The following IMMT variants were observed in gnomAD, a reference collection of about 807,000 sequenced individuals.
IMMT encodes the protein inner membrane mitochondrial protein.
In IMMT, 40 loss-of-function variants were observed where a neutral mutation model predicts 92.7. That is an observed-to-expected ratio of 0.43 (90% CI 0.34 to 0.56). The LOEUF (loss-of-function observed/expected upper bound fraction) is 0.56. IMMT is among the 20% of genes least tolerant of loss of function. The pLI, the probability that IMMT is intolerant of heterozygous loss-of-function variation, is 0.03. For synonymous variants in IMMT, 322 were observed against 336.1 expected (o/e 0.96, Z 0.46); for missense variants, 831 against 912.1 (o/e 0.91, Z 1.14).
At chr2:86,195,167 C>A (rs905318067) in intron 1 of IMMT, among the ~76,000 whole-genome samples, 171 bp downstream of exon 1, 1 of 152,234 alleles carries the variant, frequency 6.6e-6, no homozygotes, top group Non-Finnish European at 1.5e-5. Flanking sequence ...TCATCCCAGT[C>A]CGGCGAACTC....
intron 4 of IMMT, 40 bp from the exon 5 acceptor site, chr2:86,171,385 G>A (rs1344504530): frequency 1.9e-6 from 3 of 1,580,632 alleles, no homozygotes; most frequent in Non-Finnish European, 2.6e-6. Context: ...TACTTTCCTG[G>A]GTTAACAGAG....
intron 1 of IMMT, among the ~76,000 whole-genome samples, chr2:86,192,322 G>T (rs1673186106): frequency 6.6e-6 from 1 of 151,980 alleles, no homozygotes; most frequent in Admixed American, 6.6e-5. Flanking sequence ...GATGTTTAAA[G>T]GGAGGTCACA....
At chr2:86,161,450 G>A (rs1000277265) in intron 8 of IMMT, among the ~76,000 whole-genome samples, 12 of 149,766 alleles carry the variant, frequency 8.0e-5, no homozygotes, top group African/African-American at 3.0e-4. Flanking sequence ...GTGAGCCACT[G>A]TACTCAGCCT....
intron 4 of IMMT, among the ~76,000 whole-genome samples, chr2:86,172,736 G>T: frequency 6.6e-6 from 1 of 152,068 alleles, no homozygotes; most frequent in African/African-American, 2.4e-5. Flanking sequence ...ATTCACTCTA[G>T]CCTCATTTGC....
intron 1 of IMMT, among the ~76,000 whole-genome samples, chr2:86,187,843 T>C (rs1461949787): frequency 4.0e-5 from 6 of 149,426 alleles, no homozygotes; most frequent in East Asian, 2.0e-4. Flanking sequence ...ACCCAGGAGG[T>C]AGAGGTTGCG....
intron 1 of IMMT, among the ~76,000 whole-genome samples, chr2:86,187,169 C>T (rs374623987): frequency 6.6e-6 from 1 of 152,174 alleles, no homozygotes; most frequent in East Asian, 1.9e-4. Context: ...ATTTTCATCA[C>T]CCTAAAAGGA....
At chr2:86,149,398 G>A (rs1175104866) in intron 12 of IMMT, among the ~76,000 whole-genome samples, 1 of 152,222 alleles carries the variant, frequency 6.6e-6, no homozygotes, top group Non-Finnish European at 1.5e-5. Flanking sequence ...TTGGGTACTG[G>A]TTAAGAATTT....
At chr2:86,147,588 A>C in intron 13 of IMMT, 114 bp downstream of exon 13, 1 of 967,472 alleles carries the variant, frequency 1.0e-6, no homozygotes, top group South Asian at 1.9e-5. Context: ...AGTTTTGTAG[A>C]CATACAAGGA....
At chr2:86,186,404 G>T (rs975948512) in intron 1 of IMMT, among the ~76,000 whole-genome samples, 3 of 152,142 alleles carry the variant, frequency 2.0e-5, no homozygotes, top group African/African-American at 7.2e-5. Context: ...ACAATAATAA[G>T]TTTTATGTAC....
chr2:86,170,030 T>C lies in IMMT; in HGVS notation c.655+719A>G, dbSNP rs141887832. ...ACTAGAGAGTCCAGAGGCTAGATGA[T>C]AAGGCAGTGTAAGCCATTCTGACTC... On this transcript the variant is annotated intron_variant, in intron 6 of 14. Transcript: ENST00000410111. Among the ~76,000 whole-genome samples the C allele has an allele frequency of 3.6e-3, 556 of 152,358 alleles. 3 individuals carry two copies. Among genetic ancestry groups the C allele is most frequent in the African/African-American group, 0.013 (524 of 41,588 alleles).
At chr2:86,154,708 G>A (rs1327597139) in intron 10 of IMMT, among the ~76,000 whole-genome samples, 1 of 152,118 alleles carries the variant, frequency 6.6e-6, no homozygotes, top group Non-Finnish European at 1.5e-5. Context: ...TGATTTGAGA[G>A]TAAAGGGAAA....
Position 86,170,811 on chromosome 2 carries a change from G to C in IMMT, c.593C>G (p.Pro198Arg), listed in dbSNP as rs1345353498. ...AAGGCGAGCTGCAACTTCTTCAGGTGGTCGCTCCCTTATAGAAGATGAGGA... is the reference window on the plus strand; with the variant it reads ...AAGGCGAGCTGCAACTTCTTCAGGTCGTCGCTCCCTTATAGAAGATGAGGA... ...EASSSSIRER[P>R]PEEVAARLAQ... Residue 198 changes from proline (P) to arginine (R), a missense_variant, in exon 6 of 15, where the codon CCA (proline) becomes CGA (arginine). Transcript: ENST00000410111. 1 of 1,588,680 alleles carries C rather than the reference G, an allele frequency of 6.3e-7. No homozygotes were observed. The highest frequency in any genetic ancestry group is 1.1e-5 in the South Asian group (1 of 87,242).
At position 86,144,191 on chromosome 2, in the gene IMMT, C is replaced by T. The variant is rs1316635821; in HGVS notation, c.*77G>A. The T allele has an allele frequency of 2.0e-6, 3 of 1,520,050 alleles. No homozygotes were observed. Among genetic ancestry groups the T allele is most frequent in the East Asian group, 4.5e-5 (2 of 44,096 alleles). 94.2% of individuals were successfully genotyped at this position (1,520,050 alleles called of 1,614,324 possible). A position where few individuals can be genotyped will look rare whatever the true frequency, so the allele number is the denominator to read the frequency against. ...CTCATTTCTAGACAAGTCCGGGACT[C>T]TCGCTGCGAACCCTTCATCTATCAC... On this transcript the variant is annotated 3_prime_UTR_variant, in exon 15 of 15. Transcript: ENST00000410111.
intron 11 of IMMT, 98 bp downstream of exon 11, chr2:86,153,462 G>T: frequency 1.6e-6 from 1 of 617,730 alleles, no homozygotes; most frequent in South Asian, 2.6e-5. Flanking sequence ...TATCTATTTA[G>T]ATGGCTTTGT....
chr2:86,181,457 T>C (rs1672431167), intron 1 of IMMT, 85 bp from the exon 2 acceptor site: 1 of 869,126 alleles, frequency 1.2e-6, no homozygotes, highest in Non-Finnish European at 1.8e-6. Context: ...ATAATACTTT[T>C]ATTAAAAATG....
At chr2:86,179,393 A>G in intron 3 of IMMT, 40 bp downstream of exon 3, 2 of 1,456,958 alleles carry the variant, frequency 1.4e-6, no homozygotes, top group Admixed American at 2.6e-5. Context: ...CTTTTAAAGT[A>G]TTTCATTGGA....
At chr2:86,171,500 G>A in intron 4 of IMMT, 155 bp from the exon 5 acceptor site, 1 of 689,978 alleles carries the variant, frequency 1.4e-6, no homozygotes, top group South Asian at 1.6e-5. Context: ...CACAAACAGG[G>A]GCACTGTCCA....
chr2:86,146,311 G>T, intron 13 of IMMT, 114 bp from the exon 14 acceptor site: 2 of 717,310 alleles, frequency 2.8e-6, no homozygotes, highest in Non-Finnish European at 4.2e-6. Flanking sequence ...GAGTTGTCAC[G>T]AAATTCCTAC....
At chr2:86,178,234 C>T (rs1011918591) in intron 3 of IMMT, among the ~76,000 whole-genome samples, 7 of 148,870 alleles carry the variant, frequency 4.7e-5, no homozygotes, top group South Asian at 2.1e-4. Flanking sequence ...AGGAGAATGG[C>T]GTGAACCCGG....
Sources: allele counts gnomAD v4.1 joint callset (sites outside exome capture counted in the v4.1 genomes callset), GRCh38; gene constraint gnomAD v4.1.1; transcripts MANE v1.5; gene names NCBI Gene and HGNC (gene_info 2026-07-23, HGNC 2026-07-21).